Variants in DOCK4 observed in about 807,000 individuals in gnomAD.
The protein encoded by DOCK4 is dedicator of cytokinesis 4.
In DOCK4, 97 loss-of-function variants were observed where a neutral mutation model predicts 268.1. The observed-to-expected ratio is 0.36, with a 90% confidence interval of 0.31 to 0.43. The LOEUF is 0.43. Among genes scored for constraint, DOCK4 ranks in the 20% least tolerant of loss-of-function variants. The probability of loss-of-function intolerance (pLI) is 1.00; values close to 1 mark genes in which losing one functional copy is unlikely to be tolerated. For synonymous variants in DOCK4, 954 were observed against 887.2 expected (o/e 1.08, Z -1.34); for missense variants, 2,145 against 2,455.7 (o/e 0.87, Z 2.67).
chr7:111,797,133 C>A (rs1016553145), intron 30 of DOCK4, among the ~76,000 whole-genome samples: 2 of 152,158 alleles, frequency 1.3e-5, no homozygotes, highest in Non-Finnish European at 2.9e-5. Flanking sequence ...AACCTGAGAA[C>A]GTTAAAGAGA....
intron 1 of DOCK4, among the ~76,000 whole-genome samples, chr7:112,198,827 T>C (rs1218205105): frequency 6.6e-6 from 1 of 152,232 alleles, no homozygotes; most frequent in East Asian, 1.9e-4. Flanking sequence ...CATTTAACAC[T>C]AGATACCTGG....
At chr7:111,990,807 C>T (rs2135227447) in intron 5 of DOCK4, among the ~76,000 whole-genome samples, 1 of 152,320 alleles carries the variant, frequency 6.6e-6, no homozygotes, top group Admixed American at 6.5e-5. Flanking sequence ...CATGTCCTCC[C>T]TGTGGCTGTA....
chr7:112,179,946 A>G (rs1380590666), intron 1 of DOCK4, among the ~76,000 whole-genome samples: 1 of 152,188 alleles, frequency 6.6e-6, no homozygotes, highest in African/African-American at 2.4e-5. Context: ...CAAGTTGTCA[A>G]TCTAGTTTTA....
intron 38 of DOCK4, among the ~76,000 whole-genome samples, 156 bp downstream of exon 38, chr7:111,766,876 T>C (rs1454035581): frequency 6.6e-6 from 1 of 152,208 alleles, no homozygotes; most frequent in African/African-American, 2.4e-5. Flanking sequence ...ACAAATCAAT[T>C]TGCTATTTCT....
At chr7:112,014,445 C>G (rs575510005) in intron 1 of DOCK4, among the ~76,000 whole-genome samples, 2 of 152,086 alleles carry the variant, frequency 1.3e-5, no homozygotes, top group Non-Finnish European at 2.9e-5. Context: ...ACCACAAAAG[C>G]GAACTGGAAG....
intron 24 of DOCK4, among the ~76,000 whole-genome samples, chr7:111,845,969 C>T (rs1411920122): frequency 6.6e-6 from 1 of 152,162 alleles, no homozygotes; most frequent in Non-Finnish European, 1.5e-5. Context: ...TATTCAGTTC[C>T]AGATCACCTT....
chr7:111,999,143 G>C (rs1163865011), intron 3 of DOCK4, among the ~76,000 whole-genome samples: 2 of 151,782 alleles, frequency 1.3e-5, no homozygotes, highest in Non-Finnish European at 2.9e-5. Flanking sequence ...GAAATTGAAA[G>C]AAACAACAAC....
intron 30 of DOCK4, among the ~76,000 whole-genome samples, chr7:111,797,693 T>A (rs912315081): frequency 2.0e-5 from 3 of 152,196 alleles, no homozygotes; most frequent in African/African-American, 7.2e-5. Context: ...AAGCACTTTT[T>A]AATATGATTT....
Position 111,945,699 on chromosome 7 carries a change from G to C in DOCK4, c.783+18C>G, listed in dbSNP as rs1415053596. 1 of 1,577,042 alleles carries C rather than the reference G, an allele frequency of 6.3e-7. No individual in the cohort carries two copies. Among genetic ancestry groups the C allele is most frequent in the Non-Finnish European group, 8.6e-7 (1 of 1,159,196 alleles). Reference sequence around the variant, plus strand: ...AACTGGATGAATCTGCCTTATGAATGAAACAAGATCCACTCACCACAAAGA... The same window carrying C: ...AACTGGATGAATCTGCCTTATGAATCAAACAAGATCCACTCACCACAAAGA... On this transcript the variant is annotated intron_variant, in intron 9 of 52. Coordinates refer to ENST00000428084, the MANE Select transcript of DOCK4 (RefSeq NM_001363540.2).
At chr7:112,135,038 A>T (rs902821248) in intron 1 of DOCK4, among the ~76,000 whole-genome samples, 4 of 152,110 alleles carry the variant, frequency 2.6e-5, no homozygotes, top group African/African-American at 9.7e-5. Flanking sequence ...AAAACCCCAC[A>T]ATTTTTTGTT....
chr7:111,895,746 T>C, intron 15 of DOCK4, 28 bp from the exon 16 acceptor site: 1 of 1,592,656 alleles, frequency 6.3e-7, no homozygotes, highest in South Asian at 1.1e-5. Flanking sequence ...CTTGCTTATT[T>C]AAGTGTATCT....
At chr7:111,750,167 G>T (rs1404168144) in intron 42 of DOCK4, among the ~76,000 whole-genome samples, 1 of 152,198 alleles carries the variant, frequency 6.6e-6, no homozygotes, top group East Asian at 1.9e-4. Flanking sequence ...GTCTTACCAG[G>T]AAGGATGGTA....
chr7:111,924,416 C>A (rs1331059571), intron 12 of DOCK4, among the ~76,000 whole-genome samples: 1 of 152,086 alleles, frequency 6.6e-6, no homozygotes, highest in African/African-American at 2.4e-5. Context: ...TACCATATAC[C>A]TTGACTGGAA....
chr7:111,811,143 A>T (rs1398786281), intron 28 of DOCK4, among the ~76,000 whole-genome samples: 1 of 152,252 alleles, frequency 6.6e-6, no homozygotes, highest in Non-Finnish European at 1.5e-5. Flanking sequence ...TTGATATACT[A>T]TAAGCTATGA....
At chr7:112,020,436 A>C (rs1181310194) in intron 1 of DOCK4, among the ~76,000 whole-genome samples, 1 of 152,206 alleles carries the variant, frequency 6.6e-6, no homozygotes, top group Admixed American at 6.5e-5. Flanking sequence ...AACAAGTATC[A>C]GTCTGAACAC....
intron 1 of DOCK4, among the ~76,000 whole-genome samples, chr7:112,160,144 CTCTG>C (rs1267050660): frequency 3.3e-5 from 5 of 152,202 alleles, no homozygotes; most frequent in Non-Finnish European, 7.3e-5. Flanking sequence ...CTGTATTCTC[CTCTG>C]TCTATCTCAG....
chr7:111,844,391 T>C (rs917044813), intron 25 of DOCK4, among the ~76,000 whole-genome samples: 1 of 152,180 alleles, frequency 6.6e-6, no homozygotes, highest in Non-Finnish European at 1.5e-5. Flanking sequence ...GAATGAAAAC[T>C]CAGGGCCCTG....
At chr7:112,198,500 T>C (rs1322408471) in intron 1 of DOCK4, among the ~76,000 whole-genome samples, 1 of 152,230 alleles carries the variant, frequency 6.6e-6, no homozygotes, top group Admixed American at 6.5e-5. Flanking sequence ...TTTCATTTCC[T>C]AAATATCTCT....
In DOCK4 at chr7:111,758,804, G is replaced by A. The variant is rs1172044151; in HGVS notation, c.4163-14C>T. On this transcript the variant is annotated splice_polypyrimidine_tract_variant and intron_variant, in intron 40 of 52. Coordinates refer to ENST00000428084, the MANE Select transcript of DOCK4 (RefSeq NM_001363540.2). ...ATATCTGCAAATCTAGGATTCAAGA[G>A]TCAAGGAGAGAACCTGACTTGGCAA... is the stretch of plus-strand genomic sequence containing the variant. The A allele has an allele frequency of 3.7e-6, 6 of 1,612,914 alleles. No individual in the cohort carries two copies. The Admixed American group carries it at 8.3e-5, about 22-fold the overall frequency.
Sources: allele counts gnomAD v4.1 joint callset (sites outside exome capture counted in the v4.1 genomes callset), GRCh38; gene constraint gnomAD v4.1.1; transcripts MANE v1.5; gene names NCBI Gene and HGNC (gene_info 2026-07-23, HGNC 2026-07-21).